Variants in DNM3 observed in about 807,000 individuals in gnomAD.
DNM3 encodes dynamin 3.
Under a neutral mutation model 101.6 loss-of-function variants are expected in DNM3, and 47 were observed. The ratio of observed to expected loss-of-function variants is 0.46; its 90% CI spans 0.37 to 0.59. DNM3 has a LOEUF of 0.59. Among genes scored for constraint, DNM3 ranks in the 20% least tolerant of loss-of-function variants. DNM3 has a pLI of 0.00. For synonymous variants in DNM3, 385 were observed against 387.9 expected (o/e 0.99, Z 0.09); for missense variants, 849 against 1,085.7 (o/e 0.78, Z 3.06).
intron 4 of DNM3, among the ~76,000 whole-genome samples, chr1:172,025,143 G>T (rs1051678766): frequency 6.6e-6 from 1 of 152,200 alleles, no homozygotes; most frequent in Non-Finnish European, 1.5e-5. Flanking sequence ...TACTGAGGCT[G>T]GAGTAGGTGG....
At chr1:172,173,962 A>G (rs1227900832) in intron 14 of DNM3, among the ~76,000 whole-genome samples, 2 of 151,702 alleles carry the variant, frequency 1.3e-5, no homozygotes, top group Non-Finnish European at 3.0e-5. Context: ...ATACCAAACT[A>G]GAAATCCATA....
chr1:171,895,357 T>C (rs1385766853), intron 1 of DNM3, among the ~76,000 whole-genome samples: 3 of 152,250 alleles, frequency 2.0e-5, no homozygotes, highest in Non-Finnish European at 2.9e-5. Context: ...TATCTCATTG[T>C]GGTTTTGATT....
chr1:172,092,831 C>A lies in DNM3; in HGVS notation c.1501C>A (p.Gln501Lys). Residue 501 changes from glutamine (Q) to lysine (K), a missense_variant, in exon 13 of 21, where the codon CAG becomes AAG. Transcript: ENST00000627582. ...TTCCTTTGCTTTTCTCAGTGCTCAG[C>A]AGAGGAGCAGTCAGGTTCACAAGAA... ...EDFIGFANAQ[Q>K]RSSQVHKKTT... 1 of 1,558,046 alleles carries A rather than the reference C, an allele frequency of 6.4e-7. No individual in the cohort carries two copies.
chr1:172,025,396 C>T (rs1051355809), intron 4 of DNM3, among the ~76,000 whole-genome samples: 2 of 152,198 alleles, frequency 1.3e-5, no homozygotes, highest in Non-Finnish European at 2.9e-5. Context: ...TTAAATGTTC[C>T]TGCCTGCCAG....
At chr1:172,184,984 C>A (rs1403301445) in intron 14 of DNM3, among the ~76,000 whole-genome samples, 1 of 151,890 alleles carries the variant, frequency 6.6e-6, no homozygotes, top group Non-Finnish European at 1.5e-5. Context: ...ACTAAGAGAG[C>A]ATCGAACATC....
At chr1:172,258,815 C>T (rs1179047996) in intron 15 of DNM3, among the ~76,000 whole-genome samples, 2 of 151,822 alleles carry the variant, frequency 1.3e-5, no homozygotes, top group African/African-American at 4.8e-5. Context: ...TCTTACATCT[C>T]TAGTTCCTTG....
At chr1:172,396,966 A>G (rs1307211953) in intron 20 of DNM3, among the ~76,000 whole-genome samples, 1 of 152,190 alleles carries the variant, frequency 6.6e-6, no homozygotes. Context: ...ATTCTGTACC[A>G]TGTGTATTTT....
At chr1:171,984,240 G>A (rs539471594) in intron 2 of DNM3, among the ~76,000 whole-genome samples, 1 of 152,196 alleles carries the variant, frequency 6.6e-6, no homozygotes, top group Non-Finnish European at 1.5e-5. Context: ...AGCATCCACA[G>A]TTGTTTCAAA....
chr1:171,893,750 C>T (rs1324258061), intron 1 of DNM3, among the ~76,000 whole-genome samples: 1 of 148,888 alleles, frequency 6.7e-6, no homozygotes, highest in African/African-American at 2.5e-5. Flanking sequence ...CCACTGTGCC[C>T]AGCCTTGACC....
intron 13 of DNM3, among the ~76,000 whole-genome samples, chr1:172,104,434 T>G (rs1195750728): frequency 6.6e-6 from 1 of 152,140 alleles, no homozygotes; most frequent in Non-Finnish European, 1.5e-5. Context: ...AGGATAAATA[T>G]TTTTCATGCT....
intron 2 of DNM3, among the ~76,000 whole-genome samples, chr1:171,924,767 AGAT>A (rs2040428428): frequency 6.6e-6 from 1 of 152,176 alleles, no homozygotes; most frequent in South Asian, 2.1e-4. Context: ...GACTGGTATG[AGAT>A]GATATCTTAT....
chr1:172,143,724 A>AG (rs2057720059), intron 14 of DNM3, among the ~76,000 whole-genome samples: 1 of 152,158 alleles, frequency 6.6e-6, no homozygotes, highest in African/African-American at 2.4e-5. Context: ...TTTAAAAAAA[A>AG]TGTAAAACAG....
intron 1 of DNM3, among the ~76,000 whole-genome samples, chr1:171,887,353 G>T (rs1178294524): frequency 6.6e-6 from 1 of 152,166 alleles, no homozygotes; most frequent in Non-Finnish European, 1.5e-5. Context: ...CTGTTACTTC[G>T]AAATACAGAC....
intron 2 of DNM3, among the ~76,000 whole-genome samples, chr1:171,951,579 T>A (rs2042530032): frequency 6.6e-6 from 1 of 152,156 alleles, no homozygotes; most frequent in Admixed American, 6.6e-5. Flanking sequence ...TATGTTGTAT[T>A]CTAAACACCT....
At chr1:172,028,328 A>G (rs2048357755) in intron 4 of DNM3, among the ~76,000 whole-genome samples, 1 of 152,220 alleles carries the variant, frequency 6.6e-6, no homozygotes, top group South Asian at 2.1e-4. Flanking sequence ...CTGGGTAAAT[A>G]ACAAAATTAA....
At chr1:171,884,754 T>G (rs2036614490) in intron 1 of DNM3, among the ~76,000 whole-genome samples, 1 of 152,154 alleles carries the variant, frequency 6.6e-6, no homozygotes, top group Non-Finnish European at 1.5e-5. Flanking sequence ...GTCAACAGGG[T>G]TCCCAAAAGC....
chr1:172,410,887 A>G lies in DNM3; in HGVS notation c.*3046A>G. On this transcript the variant is annotated 3_prime_UTR_variant, in exon 21 of 21. Coordinates refer to ENST00000627582, the MANE Select transcript of DNM3 (RefSeq NM_015569.5). ...TCTCAAATATGAAATGGGACCTAAT[A>G]CCAGTATGTGATAAATGTTGATGTT... is the stretch of plus-strand genomic sequence containing the variant. 1 of 985,282 alleles carries G rather than the reference A, an allele frequency of 1.0e-6. No homozygotes were observed. The allele number at this position is 985,282 out of a possible 1,614,324, so 61.0% of individuals were successfully genotyped here. A position where few individuals can be genotyped will look rare whatever the true frequency, so the allele number is the denominator to read the frequency against.
At chr1:172,418,277 C>T (rs1471766130) in intron 20 of DNM3, 8 of 1,288,674 alleles carry the variant, frequency 6.2e-6, no homozygotes, top group Non-Finnish European at 8.1e-6. Flanking sequence ...TTTGTTTTTA[C>T]TAGGCGACCC....
chr1:172,280,098 A>T (rs902951434), intron 15 of DNM3, among the ~76,000 whole-genome samples: 6 of 152,002 alleles, frequency 3.9e-5, no homozygotes. Context: ...CTTCTTGAAT[A>T]TGTTGAGCTT....
Sources: allele counts gnomAD v4.1 joint callset (sites outside exome capture counted in the v4.1 genomes callset), GRCh38; gene constraint gnomAD v4.1.1; transcripts MANE v1.5; gene names NCBI Gene and HGNC (gene_info 2026-07-23, HGNC 2026-07-21).